OXR1: variants seen among roughly 807,000 people sequenced by gnomAD.
OXR1 encodes oxidation resistance 1.
Under a neutral mutation model 104.6 loss-of-function variants are expected in OXR1, and 41 were observed. That is an observed-to-expected ratio of 0.39 (90% CI 0.31 to 0.51). The LOEUF (loss-of-function observed/expected upper bound fraction) is 0.51, where lower values mean the gene tolerates loss of function less well. OXR1 is among the 20% of genes least tolerant of loss of function. OXR1 has a pLI of 0.77. For synonymous variants in OXR1, 348 were observed against 348.4 expected, an observed-to-expected ratio of 1.00 and a Z score of 0.01; for missense variants, 955 against 1,031.9, an observed-to-expected ratio of 0.93 and a Z score of 1.02.
chr8:106,737,004 A>G (rs1834436984), intron 11 of OXR1, among the ~76,000 whole-genome samples: 1 of 151,992 alleles, frequency 6.6e-6, no homozygotes, highest in Admixed American at 6.6e-5. Context: ...GTACTTCTAT[A>G]TTGTTTTCTT....
chr8:106,390,662 T>C (rs1817556655), intron 2 of OXR1, among the ~76,000 whole-genome samples: 2 of 152,164 alleles, frequency 1.3e-5, no homozygotes, highest in African/African-American at 4.8e-5. Context: ...ATTTTAAAAA[T>C]CATAACAGTA....
At chr8:106,616,710 G>A (rs537632443) in intron 3 of OXR1, among the ~76,000 whole-genome samples, 6 of 152,120 alleles carry the variant, frequency 3.9e-5, no homozygotes, top group Non-Finnish European at 8.8e-5. Context: ...CAACTTCAGC[G>A]TTGTGAACTG....
intron 3 of OXR1, among the ~76,000 whole-genome samples, chr8:106,606,353 T>C (rs193022132): frequency 2.0e-4 from 30 of 151,708 alleles, no homozygotes; most frequent in Non-Finnish European, 4.1e-4. Flanking sequence ...CAGGCTGGAG[T>C]GCAGTGGTGT....
At chr8:106,656,567 T>G (rs1226943840) in intron 3 of OXR1, among the ~76,000 whole-genome samples, 1 of 152,114 alleles carries the variant, frequency 6.6e-6, no homozygotes, top group African/African-American at 2.4e-5. Flanking sequence ...AATAGGTCCT[T>G]AGGAAGTGCA....
At chr8:106,271,774 G>C (rs1811822478) in intron 1 of OXR1, 1 of 152,278 alleles carries the variant, frequency 6.6e-6, no homozygotes, top group Non-Finnish European at 1.5e-5. Flanking sequence ...TCCCAAACCT[G>C]ATGCGGGTCT....
chr8:106,314,008 T>C (rs1344104658), intron 1 of OXR1, among the ~76,000 whole-genome samples: 5 of 152,204 alleles, frequency 3.3e-5, no homozygotes, highest in Non-Finnish European at 7.3e-5. Flanking sequence ...GAACTAGTTT[T>C]AATAGGTTTC....
intron 2 of OXR1, among the ~76,000 whole-genome samples, chr8:106,423,953 T>C (rs1167361836): frequency 2.0e-5 from 3 of 152,234 alleles, no homozygotes; most frequent in Non-Finnish European, 4.4e-5. Context: ...TTTTGTTTTT[T>C]TGAGACAGAG....
intron 1 of OXR1, among the ~76,000 whole-genome samples, chr8:106,286,373 G>T (rs1285492328): frequency 8.7e-5 from 12 of 138,172 alleles, no homozygotes; most frequent in Admixed American, 1.4e-4. Context: ...TTAAGTTAGG[G>T]TTTTTTTTTT....
rs576471950 is a variant in OXR1 at position 106,399,961 on chromosome 8, TATC to T, written c.23+40330_23+40332del. 2.4e-4 allele frequency among the ~76,000 whole-genome samples: 36 copies of T among 152,286 alleles called. No homozygotes were observed. The East Asian group carries it at 6.6e-3, about 28-fold the overall frequency. On this transcript the variant is annotated intron_variant, in intron 2 of 16. Coordinates refer to ENST00000517566, the MANE Select transcript of OXR1 (RefSeq NM_001198533.2). ...TGTTTCTGATTAATTAAAGAAAACT[TATC>T]ATCAGGCTGTTACATAAAGCAATTA...
At chr8:106,337,052 T>G (rs898932014) in intron 1 of OXR1, among the ~76,000 whole-genome samples, 4 of 152,200 alleles carry the variant, frequency 2.6e-5, no homozygotes, top group Non-Finnish European at 5.9e-5. Context: ...TTGGGAAATA[T>G]CCGTGAATTA....
chr8:106,277,503 C>A (rs1812098158), intron 1 of OXR1, among the ~76,000 whole-genome samples: 1 of 152,172 alleles, frequency 6.6e-6, no homozygotes, highest in Non-Finnish European at 1.5e-5. Context: ...AACTGTTTTA[C>A]TCTCAAGAAT....
intron 2 of OXR1, among the ~76,000 whole-genome samples, chr8:106,403,949 A>C (rs2130483569): frequency 6.6e-6 from 1 of 152,292 alleles, no homozygotes; most frequent in East Asian, 1.9e-4. Context: ...TAGATCTGCA[A>C]ACAAAGAGAT....
chr8:106,580,225 C>T (rs532658785), intron 3 of OXR1, among the ~76,000 whole-genome samples: 17 of 152,280 alleles, frequency 1.1e-4, no homozygotes, highest in African/African-American at 3.6e-4. Flanking sequence ...ATCTGAAACT[C>T]TATACCCATT....
At chr8:106,384,037 C>CT (rs1446121461) in intron 2 of OXR1, among the ~76,000 whole-genome samples, 6 of 152,156 alleles carry the variant, frequency 3.9e-5, no homozygotes, top group Admixed American at 3.9e-4. Flanking sequence ...AAGACTTCAT[C>CT]TGTGTGCTAT....
At chr8:106,361,042 A>T (rs1248416885) in intron 2 of OXR1, among the ~76,000 whole-genome samples, 1 of 152,214 alleles carries the variant, frequency 6.6e-6, no homozygotes, top group East Asian at 1.9e-4. Context: ...TGCTTCTATT[A>T]ACTGCTTTGA....
At chr8:106,338,277 A>G (rs1323995936) in intron 1 of OXR1, among the ~76,000 whole-genome samples, 1 of 151,950 alleles carries the variant, frequency 6.6e-6, no homozygotes, top group African/African-American at 2.4e-5. Flanking sequence ...TGCCCCTTAC[A>G]AAAAAAAGTA....
chr8:106,447,952 G>T (rs2130605959), intron 2 of OXR1: 1 of 1,534,976 alleles, frequency 6.5e-7, no homozygotes, highest in Admixed American at 2.0e-5. Flanking sequence ...GGGCTCACAG[G>T]TAACAGAACT....
intron 2 of OXR1, among the ~76,000 whole-genome samples, chr8:106,491,209 C>A (rs998107389): frequency 2.6e-5 from 4 of 152,216 alleles, no homozygotes; most frequent in African/African-American, 9.6e-5. Context: ...TACTTAGATA[C>A]TGGCCTTGCT....
At chr8:106,434,575 C>T (rs1213661187) in intron 2 of OXR1, among the ~76,000 whole-genome samples, 2 of 152,124 alleles carry the variant, frequency 1.3e-5, no homozygotes, top group South Asian at 2.1e-4. Flanking sequence ...AAAAAAATTA[C>T]TTTTCCAGGG....
Sources: allele counts gnomAD v4.1 joint callset (sites outside exome capture counted in the v4.1 genomes callset), GRCh38; gene constraint gnomAD v4.1.1; transcripts MANE v1.5; gene names NCBI Gene and HGNC (gene_info 2026-07-23, HGNC 2026-07-21).